Variants in CNTN5 observed in about 807,000 individuals in gnomAD.
CNTN5 encodes the protein contactin 5.
A neutral mutation model predicts 129.1 loss-of-function variants in CNTN5; 77 were observed. The ratio of observed to expected loss-of-function variants is 0.60; its 90% CI spans 0.50 to 0.72. The LOEUF (loss-of-function observed/expected upper bound fraction) is 0.72, where lower values mean the gene tolerates loss of function less well. Ranked by LOEUF, CNTN5 falls within the 30% of genes least tolerant of loss-of-function variation. The pLI is 0.00. For missense variants in CNTN5, 1,478 were observed against 1,328.8 expected (o/e 1.11, Z -1.75); for synonymous variants, 509 against 465.6 (o/e 1.09, Z -1.20).
intron 2 of CNTN5, among the ~76,000 whole-genome samples, chr11:99,398,052 C>T (rs888917232): frequency 4.6e-5 from 7 of 151,806 alleles, no homozygotes; most frequent in Admixed American, 2.0e-4. Flanking sequence ...TGATATTCTA[C>T]AACCTCCCAT....
intron 2 of CNTN5, among the ~76,000 whole-genome samples, chr11:99,528,358 A>C (rs1947566770): frequency 6.6e-6 from 1 of 152,242 alleles, no homozygotes; most frequent in South Asian, 2.1e-4. Context: ...AGTTACGAGC[A>C]CGTGAATTGT....
intron 18 of CNTN5, among the ~76,000 whole-genome samples, chr11:100,278,654 T>C (rs1243213978): frequency 6.6e-6 from 1 of 152,108 alleles, no homozygotes; most frequent in Non-Finnish European, 1.5e-5. Context: ...ATGTTGATTT[T>C]GTATCCTGAA....
intron 1 of CNTN5, among the ~76,000 whole-genome samples, chr11:99,303,029 A>G (rs1407416261): frequency 6.6e-6 from 1 of 151,736 alleles, no homozygotes; most frequent in African/African-American, 2.4e-5. Context: ...GAGATTTCAT[A>G]GCTCTTAGGA....
intron 2 of CNTN5, among the ~76,000 whole-genome samples, chr11:99,395,872 T>C (rs1460776595): frequency 6.6e-6 from 1 of 151,964 alleles, no homozygotes; most frequent in Non-Finnish European, 1.5e-5. Flanking sequence ...GCCTTATTTC[T>C]GGGCTATCTA....
At position 100,094,558 on chromosome 11, in the gene CNTN5, G is replaced by T. The variant is rs552206163; in HGVS notation, c.1580+20264G>T. Among the ~76,000 whole-genome samples, 891 of 152,062 alleles carry T rather than the reference G, an allele frequency of 5.9e-3. 9 individuals are homozygous for T. The highest frequency in any genetic ancestry group is 0.02 in the African/African-American group (846 of 41,474). Reference sequence around the variant, plus strand: ...GGAGTAAAGCCCTGATGTGTGTTGTGGAGGGGTGATTTAATTTTCTGGGTT... The same window carrying T: ...GGAGTAAAGCCCTGATGTGTGTTGTTGAGGGGTGATTTAATTTTCTGGGTT... On this transcript the variant is annotated intron_variant, in intron 13 of 24. Coordinates refer to ENST00000524871, the MANE Select transcript of CNTN5 (RefSeq NM_014361.4).
chr11:99,514,209 C>T (rs1256947174), intron 2 of CNTN5, among the ~76,000 whole-genome samples: 1 of 152,044 alleles, frequency 6.6e-6, no homozygotes, highest in South Asian at 2.1e-4. Context: ...TGAATTACTG[C>T]AATCTCATGA....
chr11:99,434,909 A>G (rs79100602), intron 2 of CNTN5, among the ~76,000 whole-genome samples: 2,909 of 152,276 alleles, frequency 0.019, 28 homozygotes, highest in Middle Eastern at 0.034. Context: ...AGTAATCAAG[A>G]GTATTTGGTA....
chr11:99,941,720 G>A (rs1322876133), intron 7 of CNTN5, among the ~76,000 whole-genome samples: 1 of 152,092 alleles, frequency 6.6e-6, no homozygotes, highest in Non-Finnish European at 1.5e-5. Flanking sequence ...AATGAGCCAT[G>A]CAGGTAACTG....
intron 13 of CNTN5, among the ~76,000 whole-genome samples, chr11:100,133,938 G>A (rs1946451416): frequency 6.6e-6 from 1 of 151,942 alleles, no homozygotes; most frequent in African/African-American, 2.4e-5. Context: ...TACCAAAGAT[G>A]GATTTATAGA....
chr11:99,131,868 G>C (rs1296550816), intron 1 of CNTN5, among the ~76,000 whole-genome samples: 1 of 152,132 alleles, frequency 6.6e-6, no homozygotes, highest in Admixed American at 6.5e-5. Flanking sequence ...TCAAACAATT[G>C]AACAGGAGAG....
At chr11:100,190,585 C>A (rs1948450243) in intron 13 of CNTN5, among the ~76,000 whole-genome samples, 1 of 152,050 alleles carries the variant, frequency 6.6e-6, no homozygotes. Flanking sequence ...TTAGAAAGTG[C>A]AGTGCAAGCA....
chr11:99,606,338 C>T (rs1950413690), intron 3 of CNTN5, among the ~76,000 whole-genome samples: 1 of 132,342 alleles, frequency 7.6e-6, no homozygotes, highest in African/African-American at 2.9e-5. Flanking sequence ...GGGTGAACTC[C>T]CATTCACAAT....
rs78051130 is a variant in CNTN5 at position 99,674,990 on chromosome 11, A to G, written c.55+118721A>G. Among the ~76,000 whole-genome samples the G allele has an allele frequency of 2.1e-3, 316 of 150,462 alleles. 3 individuals carry two copies. The highest frequency in any genetic ancestry group is 1.8e-3 in the Non-Finnish European group (123 of 67,700). ...TTCTTGATTATTCCCAAATAAATTCATTATATTAGGAGGCATTTTTCTGGT... is the reference window on the plus strand; with the variant it reads ...TTCTTGATTATTCCCAAATAAATTCGTTATATTAGGAGGCATTTTTCTGGT... On this transcript the variant is annotated intron_variant, in intron 3 of 24. Coordinates refer to ENST00000524871, the MANE Select transcript of CNTN5 (RefSeq NM_014361.4).
intron 8 of CNTN5, among the ~76,000 whole-genome samples, chr11:99,964,052 T>C (rs1027689380): frequency 6.6e-6 from 1 of 152,144 alleles, no homozygotes; most frequent in Non-Finnish European, 1.5e-5. Context: ...CTTAAGGAGA[T>C]TTTGGGGTGA....
intron 4 of CNTN5, among the ~76,000 whole-genome samples, chr11:99,833,016 C>T (rs1049131024): frequency 3.3e-5 from 5 of 152,072 alleles, no homozygotes; most frequent in African/African-American, 4.8e-5. Context: ...GGATTTAAGC[C>T]TGAAAGGCAG....
At chr11:99,976,278 T>G (rs1937964549) in intron 8 of CNTN5, among the ~76,000 whole-genome samples, 1 of 152,352 alleles carries the variant, frequency 6.6e-6, no homozygotes. Flanking sequence ...CATTAAGTAC[T>G]TGCAGCTTTT....
chr11:99,581,857 A>T (rs1949610963), intron 3 of CNTN5, among the ~76,000 whole-genome samples: 1 of 152,096 alleles, frequency 6.6e-6, no homozygotes. Flanking sequence ...TGTGAATTTG[A>T]TCCTGTCATT....
chr11:100,002,169 T>C (rs2137476104), intron 9 of CNTN5, 33 bp downstream of exon 9: 1 of 1,328,130 alleles, frequency 7.5e-7, no homozygotes, highest in Non-Finnish European at 1.0e-6. Context: ...TTAAACACAA[T>C]TTTTTATTAA....
intron 1 of CNTN5, among the ~76,000 whole-genome samples, chr11:99,258,721 G>T (rs1055424027): frequency 6.6e-6 from 1 of 151,706 alleles, no homozygotes; most frequent in Admixed American, 6.6e-5. Context: ...TCTTATTTAT[G>T]CATTTTTGCT....
Sources: allele counts gnomAD v4.1 joint callset (sites outside exome capture counted in the v4.1 genomes callset), GRCh38; gene constraint gnomAD v4.1.1; transcripts MANE v1.5; gene names NCBI Gene and HGNC (gene_info 2026-07-23, HGNC 2026-07-21).